Variants in GPHN observed in about 807,000 individuals in gnomAD.
GPHN encodes the protein gephyrin.
Under a neutral mutation model 95.5 loss-of-function variants are expected in GPHN, and 17 were observed. That is an observed-to-expected ratio of 0.18 (90% CI 0.12 to 0.27). GPHN has a LOEUF of 0.27. Ranked by LOEUF, GPHN falls within the 10% of genes least tolerant of loss-of-function variation. GPHN has a pLI of 1.00. For synonymous variants in GPHN, 320 were observed against 322.5 expected (o/e 0.99, Z 0.08); for missense variants, 660 against 978.1 (o/e 0.67, Z 4.34).
At chr14:66,735,953 G>A (rs2072224163) in intron 2 of GPHN, among the ~76,000 whole-genome samples, 1 of 152,042 alleles carries the variant, frequency 6.6e-6, no homozygotes, top group Non-Finnish European at 1.5e-5. Context: ...TTTATAGACA[G>A]GGAACCAAAG....
intron 1 of GPHN, among the ~76,000 whole-genome samples, chr14:66,590,991 G>C (rs927284368): frequency 6.6e-6 from 1 of 152,140 alleles, no homozygotes; most frequent in Non-Finnish European, 1.5e-5. Context: ...GGGATGCAAG[G>C]CTGGTTTAAC....
intron 9 of GPHN, among the ~76,000 whole-genome samples, chr14:66,980,385 C>A (rs1396383393): frequency 2.0e-5 from 3 of 151,854 alleles, no homozygotes; most frequent in African/African-American, 7.3e-5. Flanking sequence ...CAAAGATAAA[C>A]TTTTTTTTGG....
chr14:67,027,009 G>A (rs1014642545), intron 10 of GPHN, among the ~76,000 whole-genome samples: 3 of 152,106 alleles, frequency 2.0e-5, no homozygotes, highest in South Asian at 2.1e-4. Context: ...TTCAAAACCC[G>A]ATTCAATATT....
At chr14:67,323,819 T>G in the GPHN span, 1,824 of 1,417,082 alleles carry the variant, frequency 1.3e-3, 29 homozygotes, top group African/African-American at 0.023. Context: ...AAAGGTAAAG[T>G]TTTCACACTA....
chr14:66,940,568 G>A (rs893794655), intron 8 of GPHN, among the ~76,000 whole-genome samples: 12 of 152,224 alleles, frequency 7.9e-5, no homozygotes, highest in African/African-American at 2.7e-4. Context: ...CTCCACTGCT[G>A]TCAGTAGCCT....
At chr14:67,130,723 G>T (rs530841870) in intron 17 of GPHN, among the ~76,000 whole-genome samples, 1 of 151,992 alleles carries the variant, frequency 6.6e-6, no homozygotes, top group Admixed American at 6.6e-5. Context: ...TCCCACCAAC[G>T]GTGTGTAAAT....
intron 21 of GPHN, among the ~76,000 whole-genome samples, chr14:67,176,318 G>T (rs2082944921): frequency 6.6e-6 from 1 of 152,142 alleles, no homozygotes; most frequent in Non-Finnish European, 1.5e-5. Context: ...GGCCTTTTCT[G>T]CATGTATTGA....
At chr14:66,629,156 A>ATGT (rs2063656782) in intron 1 of GPHN, among the ~76,000 whole-genome samples, 4 of 110,822 alleles carry the variant, frequency 3.6e-5, no homozygotes, top group Non-Finnish European at 7.1e-5. Flanking sequence ...TACATATATA[A>ATGT]ATATGTATAT....
At chr14:66,613,650 G>A (rs1176491235) in intron 1 of GPHN, among the ~76,000 whole-genome samples, 1 of 151,970 alleles carries the variant, frequency 6.6e-6, no homozygotes, top group African/African-American at 2.4e-5. Flanking sequence ...ATTCACAAAT[G>A]TGCAATCTGT....
the GPHN span, chr14:67,659,702 A>C: frequency 3.2e-6 from 5 of 1,569,264 alleles, no homozygotes; most frequent in Non-Finnish European, 4.3e-6. Context: ...TAAAGGAAAA[A>C]AAAAACAAAC....
intron 17 of GPHN, among the ~76,000 whole-genome samples, chr14:67,134,183 A>G (rs1274028990): frequency 6.6e-6 from 1 of 152,192 alleles, no homozygotes; most frequent in African/African-American, 2.4e-5. Flanking sequence ...CTTAGCTGTT[A>G]GGTTTTTGTT....
intron 2 of GPHN, among the ~76,000 whole-genome samples, chr14:66,685,595 G>T (rs947540458): frequency 1.1e-4 from 16 of 151,848 alleles, no homozygotes; most frequent in Non-Finnish European, 2.2e-4. Flanking sequence ...TTTTGATGGG[G>T]TTGTTTTTTT....
chr14:66,837,795 A>G (rs1383189107), intron 4 of GPHN, among the ~76,000 whole-genome samples: 1 of 151,840 alleles, frequency 6.6e-6, no homozygotes, highest in Admixed American at 6.6e-5. Context: ...GAACCCACAA[A>G]TAAAAATTAT....
intron 11 of GPHN, chr14:67,059,038 A>G: frequency 1.8e-6 from 1 of 568,494 alleles, no homozygotes; most frequent in South Asian, 2.4e-5. Context: ...AAGGAAGAAA[A>G]TCAGCTGTGT....
chr14:66,639,066 A>T lies in GPHN; in HGVS notation c.65-42041A>T, dbSNP rs1421049388. ...GTAACATATTCTTTAATCTTTTATG[A>T]TTTCGTGCTCAGATTCATTATATAT... On this transcript the variant is annotated intron_variant, in intron 1 of 22. Transcript: ENST00000478722. Among the ~76,000 whole-genome samples, 3 of 151,442 alleles carry T rather than the reference A, an allele frequency of 2.0e-5. No individual in the cohort carries two copies. In the East Asian group the frequency reaches 5.8e-4, roughly 29 times the overall value.
At chr14:67,707,343 T>G in the GPHN span, among the ~76,000 whole-genome samples, 6 of 152,252 alleles carry the variant, frequency 3.9e-5, no homozygotes, top group African/African-American at 1.4e-4. Flanking sequence ...CTCTCTCCAG[T>G]TTCCCATTTT....
intron 13 of GPHN, among the ~76,000 whole-genome samples, chr14:67,105,287 G>GA (rs529503930): frequency 2.2e-4 from 33 of 150,410 alleles, no homozygotes; most frequent in Admixed American, 1.5e-3. Flanking sequence ...ATGTGCAAGT[G>GA]AAAAAAAAAT....
At chr14:66,917,943 G>A (rs767988527) in intron 6 of GPHN, among the ~76,000 whole-genome samples, 2 of 152,154 alleles carry the variant, frequency 1.3e-5, no homozygotes, top group South Asian at 4.1e-4. Context: ...GACACCAACT[G>A]TAAGGAGTTT....
At chr14:67,074,810 A>G (rs951241505) in intron 11 of GPHN, among the ~76,000 whole-genome samples, 1 of 152,172 alleles carries the variant, frequency 6.6e-6, no homozygotes, top group African/African-American at 2.4e-5. Flanking sequence ...AATTCTGTGA[A>G]GGTTGAGAGA....
Sources: gnomAD v4.1 joint callset for allele counts (sites outside exome capture counted in the v4.1 genomes callset) on GRCh38, gnomAD v4.1.1 for gene constraint, MANE v1.5 for transcripts, NCBI Gene and HGNC (gene_info 2026-07-23, HGNC 2026-07-21) for gene names.